NPHP1: variants seen among roughly 807,000 people sequenced by gnomAD.
NPHP1 encodes nephrocystin 1, also known as nephrocystin-1.
Under a neutral mutation model 90.4 loss-of-function variants are expected in NPHP1, and 70 were observed. The ratio of observed to expected loss-of-function variants is 0.77; its 90% CI spans 0.64 to 0.95. The LOEUF (loss-of-function observed/expected upper bound fraction) is 0.95, where lower values mean the gene tolerates loss of function less well. Among genes scored for constraint, NPHP1 ranks in the 40% least tolerant of loss-of-function variants. The pLI, the probability that NPHP1 is intolerant of heterozygous loss-of-function variation, is 0.00. For missense variants in NPHP1, 764 were observed against 795.9 expected (o/e 0.96, Z 0.48); for synonymous variants, 256 against 271.7 (o/e 0.94, Z 0.57).
At chr2:110,177,558 A>G (rs1017734582) in intron 4 of NPHP1, among the ~76,000 whole-genome samples, 2 of 152,104 alleles carry the variant, frequency 1.3e-5, no homozygotes, top group African/African-American at 4.8e-5. Flanking sequence ...CAGATTAGGG[A>G]TGCTCAACAA....
chr2:110,184,036 C>A, intron 2 of NPHP1: 1 of 483,550 alleles, frequency 2.1e-6, no homozygotes, highest in East Asian at 5.6e-5. Flanking sequence ...AGTTCCTTCC[C>A]CAGGAGAGAT....
At chr2:110,165,219 C>G (rs898792358) in intron 6 of NPHP1, 64 bp from the exon 7 acceptor site, 4 of 1,220,256 alleles carry the variant, frequency 3.3e-6, no homozygotes, top group Non-Finnish European at 4.9e-6. Flanking sequence ...ATAAAAATAC[C>G]AGTACTGCCA....
At chr2:110,133,288 C>G (rs1020641991) in intron 16 of NPHP1, among the ~76,000 whole-genome samples, 1 of 151,946 alleles carries the variant, frequency 6.6e-6, no homozygotes, top group Non-Finnish European at 1.5e-5. Context: ...AGACTTCAAG[C>G]CCCCCAAAAG....
intron 2 of NPHP1, among the ~76,000 whole-genome samples, chr2:110,183,738 C>T (rs1684078309): frequency 6.6e-6 from 1 of 152,066 alleles, no homozygotes. Context: ...CAATATTAGG[C>T]AGGTCATCCA....
chr2:110,160,811 G>T (rs1305651590), intron 10 of NPHP1, among the ~76,000 whole-genome samples: 1 of 152,080 alleles, frequency 6.6e-6, no homozygotes, highest in South Asian at 2.1e-4. Flanking sequence ...TATTTTTTAA[G>T]AACAGCTTCA....
At chr2:110,196,697 A>G (rs1685191163) in intron 2 of NPHP1, among the ~76,000 whole-genome samples, 1 of 152,204 alleles carries the variant, frequency 6.6e-6, no homozygotes, top group Non-Finnish European at 1.5e-5. Flanking sequence ...ATAAAGACCC[A>G]TGCACACATA....
At chr2:110,168,022 A>G (rs1233992655) in intron 6 of NPHP1, among the ~76,000 whole-genome samples, 1 of 152,214 alleles carries the variant, frequency 6.6e-6, no homozygotes, top group African/African-American at 2.4e-5. Flanking sequence ...AGAAATCTAT[A>G]TATCTTGGCA....
chr2:110,181,746 C>T (rs1184721997), intron 2 of NPHP1, among the ~76,000 whole-genome samples: 1 of 152,150 alleles, frequency 6.6e-6, no homozygotes, highest in East Asian at 1.9e-4. Flanking sequence ...CAAATGACCA[C>T]AACACCACTC....
chr2:110,158,366 C>T (rs1682063185), intron 11 of NPHP1, among the ~76,000 whole-genome samples: 1 of 152,076 alleles, frequency 6.6e-6, no homozygotes, highest in Non-Finnish European at 1.5e-5. Flanking sequence ...TTTCTGTCTG[C>T]TTGTCCTATA....
intron 2 of NPHP1, among the ~76,000 whole-genome samples, chr2:110,181,304 A>G (rs1189828255): frequency 6.6e-6 from 1 of 152,202 alleles, no homozygotes; most frequent in Non-Finnish European, 1.5e-5. Context: ...TGCTTCTTTA[A>G]GTGGGTCTGT....
chr2:110,137,556 C>A (rs550605011), intron 16 of NPHP1, among the ~76,000 whole-genome samples: 110 of 152,020 alleles, frequency 7.2e-4, no homozygotes, highest in Middle Eastern at 3.4e-3. Context: ...TTTATGCAGC[C>A]AAAAAACACA....
At chr2:110,194,801 T>G (rs933299688) in intron 2 of NPHP1, among the ~76,000 whole-genome samples, 1 of 152,126 alleles carries the variant, frequency 6.6e-6, no homozygotes, top group Non-Finnish European at 1.5e-5. Context: ...TCAAAAAGCC[T>G]ATCCACCATG....
chr2:110,201,596 A>G (rs1003065231), intron 1 of NPHP1, 102 bp from the exon 2 acceptor site: 3 of 838,646 alleles, frequency 3.6e-6, no homozygotes, highest in South Asian at 3.2e-5. Flanking sequence ...ACTTTTAAAC[A>G]TACAACAAAG....
chr2:110,132,832 T>A, intron 16 of NPHP1, among the ~76,000 whole-genome samples: 1 of 152,146 alleles, frequency 6.6e-6, no homozygotes, highest in Non-Finnish European at 1.5e-5. Flanking sequence ...TTGGTATTAG[T>A]TTAAAATAGA....
chr2:110,184,210 T>C (rs528184957), intron 2 of NPHP1: 20 of 568,570 alleles, frequency 3.5e-5, no homozygotes, highest in Middle Eastern at 3.2e-4. Flanking sequence ...GCAGGAGCCC[T>C]TGAAGGTGAC....
intron 1 of NPHP1, chr2:110,202,395 C>T: frequency 4.4e-6 from 2 of 452,898 alleles, no homozygotes; most frequent in Non-Finnish European, 8.9e-6. Flanking sequence ...CCAGTCATCA[C>T]AGGCCTGACT....
chr2:110,202,657 A>T (rs936259695), intron 1 of NPHP1, among the ~76,000 whole-genome samples: 22 of 152,282 alleles, frequency 1.4e-4, no homozygotes, highest in Middle Eastern at 6.8e-3. Flanking sequence ...CTAATGTCCC[A>T]CTAAATTTAA....
intron 17 of NPHP1, among the ~76,000 whole-genome samples, chr2:110,130,112 G>C (rs1330751861): frequency 2.0e-5 from 3 of 152,110 alleles, no homozygotes; most frequent in South Asian, 4.1e-4. Flanking sequence ...CCTTCTGTAA[G>C]GGTCTCTAAT....
chr2:110,180,772 T>G (rs1478218663), intron 2 of NPHP1, among the ~76,000 whole-genome samples: 1 of 152,050 alleles, frequency 6.6e-6, no homozygotes, highest in Non-Finnish European at 1.5e-5. Flanking sequence ...TGAGTGACCA[T>G]GCAACCCTGC....
Sources: allele counts gnomAD v4.1 joint callset (sites outside exome capture counted in the v4.1 genomes callset), GRCh38; gene constraint gnomAD v4.1.1; transcripts MANE v1.5; gene names NCBI Gene and HGNC (gene_info 2026-07-23, HGNC 2026-07-21).